Variants in ROBO2 observed in about 807,000 individuals in gnomAD.
ROBO2 encodes roundabout homolog 2.
A neutral mutation model predicts 160.8 loss-of-function variants in ROBO2; 53 were observed. That is an observed-to-expected ratio of 0.33 (90% CI 0.26 to 0.41). The LOEUF is 0.41. Among genes scored for constraint, ROBO2 ranks in the 10% least tolerant of loss-of-function variants. The probability of loss-of-function intolerance (pLI) is 1.00; values close to 1 mark genes in which losing one functional copy is unlikely to be tolerated. For missense variants in ROBO2, 1,577 were observed against 1,722.4 expected (o/e 0.92, Z 1.49); for synonymous variants, 664 against 611.7 (o/e 1.09, Z -1.26).
chr3:75,967,543 CATGGCACTCAGATTTAGTAGGTATGT>C (rs1175574158), intron 2 of ROBO2, among the ~76,000 whole-genome samples: 3 of 151,488 alleles, frequency 2.0e-5, no homozygotes, highest in Non-Finnish European at 4.4e-5. Flanking sequence ...CAAACAAATT[CATGGCACTCAGATTTAGTAGGTATGT>C]ATGGCCCTTA....
At chr3:77,381,725 A>T (rs1291436759) in intron 2 of ROBO2, among the ~76,000 whole-genome samples, 2 of 152,252 alleles carry the variant, frequency 1.3e-5, no homozygotes, top group Non-Finnish European at 2.9e-5. Flanking sequence ...GAACATCATC[A>T]TTGAAAATCT....
chr3:77,242,152 T>G (rs2151378440), intron 2 of ROBO2, among the ~76,000 whole-genome samples: 1 of 152,298 alleles, frequency 6.6e-6, no homozygotes, highest in Admixed American at 6.5e-5. Context: ...GTGTTAAAGA[T>G]TCACACATTT....
At chr3:77,317,598 G>A (rs554979655) in intron 2 of ROBO2, 253 of 1,205,188 alleles carry the variant, frequency 2.1e-4, no homozygotes, top group Non-Finnish European at 2.5e-4. Flanking sequence ...TACGTGGGTG[G>A]CACAGCCGTC....
At chr3:76,630,817 T>G (rs780771597) in intron 2 of ROBO2, among the ~76,000 whole-genome samples, 3 of 152,214 alleles carry the variant, frequency 2.0e-5, no homozygotes, top group Non-Finnish European at 2.9e-5. Context: ...TAAATCTACC[T>G]CTCTATTATG....
chr3:76,296,261 G>A (rs1709069498), intron 2 of ROBO2, among the ~76,000 whole-genome samples: 1 of 152,164 alleles, frequency 6.6e-6, no homozygotes. Flanking sequence ...CCCAGAGAAA[G>A]CTTGGCCCTG....
chr3:76,752,720 G>C (rs2060746307), intron 2 of ROBO2, among the ~76,000 whole-genome samples: 1 of 151,768 alleles, frequency 6.6e-6, no homozygotes, highest in Non-Finnish European at 1.5e-5. Flanking sequence ...CTGGATTAGA[G>C]AAAATTAAAC....
intron 2 of ROBO2, among the ~76,000 whole-genome samples, chr3:77,235,424 C>G (rs772932284): frequency 3.3e-5 from 5 of 150,996 alleles, no homozygotes; most frequent in Non-Finnish European, 7.4e-5. Context: ...GCGATCTCGA[C>G]TCACTGCAAG....
intron 17 of ROBO2, among the ~76,000 whole-genome samples, chr3:77,592,723 T>C (rs2094209051): frequency 6.6e-6 from 1 of 152,092 alleles, no homozygotes; most frequent in Non-Finnish European, 1.5e-5. Flanking sequence ...GGCTAATTTT[T>C]GTATTTTTAG....
intron 2 of ROBO2, among the ~76,000 whole-genome samples, chr3:76,659,546 G>T (rs73118101): frequency 0.011 from 1,623 of 152,090 alleles, 16 homozygotes; most frequent in Non-Finnish European, 0.017. Flanking sequence ...TCAGCTAATG[G>T]GCTGTGCCTT....
intron 2 of ROBO2, among the ~76,000 whole-genome samples, chr3:76,205,475 G>T (rs1254878006): frequency 6.6e-6 from 1 of 152,058 alleles, no homozygotes; most frequent in Non-Finnish European, 1.5e-5. Context: ...AGACCTCTAG[G>T]CTGCCACCAC....
intron 2 of ROBO2, among the ~76,000 whole-genome samples, chr3:77,412,668 A>G (rs193271989): frequency 6.6e-6 from 1 of 152,314 alleles, no homozygotes; most frequent in African/African-American, 2.4e-5. Flanking sequence ...CAAAGATCTG[A>G]AAGTCTTTGC....
intron 2 of ROBO2, among the ~76,000 whole-genome samples, chr3:76,864,690 T>C (rs775779728): frequency 6.6e-6 from 1 of 152,078 alleles, no homozygotes; most frequent in African/African-American, 2.4e-5. Flanking sequence ...TGATAGCAAT[T>C]TGTGTTTAAA....
intron 2 of ROBO2, among the ~76,000 whole-genome samples, chr3:76,164,100 A>G (rs1345987631): frequency 6.6e-6 from 1 of 152,206 alleles, no homozygotes; most frequent in Non-Finnish European, 1.5e-5. Flanking sequence ...TCATTTCAAC[A>G]ATGTGCACAG....
intron 2 of ROBO2, among the ~76,000 whole-genome samples, chr3:76,384,315 G>A (rs1304358209): frequency 6.6e-6 from 1 of 152,108 alleles, no homozygotes; most frequent in African/African-American, 2.4e-5. Flanking sequence ...TGGCTTTATA[G>A]ACAAGAAGCA....
chr3:76,243,205 C>T (rs1705405663), intron 2 of ROBO2, among the ~76,000 whole-genome samples: 1 of 152,108 alleles, frequency 6.6e-6, no homozygotes. Context: ...GCCCCTTTAG[C>T]CCATTACATG....
intron 2 of ROBO2, among the ~76,000 whole-genome samples, chr3:77,211,756 G>A (rs1303112119): frequency 6.6e-6 from 1 of 152,190 alleles, no homozygotes; most frequent in Non-Finnish European, 1.5e-5. Context: ...TTTGTATAAA[G>A]TGTAAGGAAG....
intron 4 of ROBO2, among the ~76,000 whole-genome samples, chr3:77,484,938 G>C (rs1288649409): frequency 6.6e-6 from 1 of 151,954 alleles, no homozygotes; most frequent in Non-Finnish European, 1.5e-5. Flanking sequence ...TTCTATACCT[G>C]TCATGAATTC....
intron 1 of ROBO2, among the ~76,000 whole-genome samples, chr3:77,066,414 G>A (rs1251267927): frequency 6.6e-6 from 1 of 151,998 alleles, no homozygotes; most frequent in African/African-American, 2.4e-5. Context: ...AAAAAAATTG[G>A]CTTCAAAGTC....
chr3:76,668,632 G>T (rs1414295629), intron 2 of ROBO2, among the ~76,000 whole-genome samples: 2 of 152,066 alleles, frequency 1.3e-5, no homozygotes, highest in Admixed American at 6.6e-5. Flanking sequence ...GATTTACCAA[G>T]GAAAATTTCC....
Sources: allele counts gnomAD v4.1 joint callset (sites outside exome capture counted in the v4.1 genomes callset), GRCh38; gene constraint gnomAD v4.1.1; transcripts MANE v1.5; gene names NCBI Gene and HGNC (gene_info 2026-07-23, HGNC 2026-07-21).